The following DIP2B variants were observed in gnomAD, a reference collection of about 807,000 sequenced individuals.
DIP2B encodes disco-interacting protein 2 homolog B.
Under a neutral mutation model 198.0 loss-of-function variants are expected in DIP2B, and 76 were observed. That is an observed-to-expected ratio of 0.38 (90% CI 0.32 to 0.46). The LOEUF (loss-of-function observed/expected upper bound fraction) is 0.46. Ranked by LOEUF, DIP2B falls within the 20% of genes least tolerant of loss-of-function variation. DIP2B has a pLI of 0.99. For synonymous variants in DIP2B, 701 were observed against 739.1 expected (o/e 0.95, Z 0.84); for missense variants, 1,559 against 1,978.4 (o/e 0.79, Z 4.02).
intron 1 of DIP2B, among the ~76,000 whole-genome samples, chr12:50,530,395 T>G (rs1958206138): frequency 6.6e-6 from 1 of 152,214 alleles, no homozygotes; most frequent in Admixed American, 6.5e-5. Context: ...CATCACTTTC[T>G]TCAGGGGAAA....
In DIP2B at chr12:50,699,205, A is replaced by C; in HGVS notation, c.2325+3A>C. 6.2e-7 allele frequency: 1 copy of C among 1,614,044 alleles called. No homozygotes were observed. Among genetic ancestry groups the C allele is most frequent in the Non-Finnish European group, 8.5e-7 (1 of 1,179,990 alleles). The stretch of plus-strand genomic sequence containing the variant: ...GTGTGACAAAAAATACATTTGAGGT[A>C]CATGATATTAACATTTCACAGGGAA... On this transcript the variant is annotated splice_donor_region_variant and intron_variant, in intron 19 of 37. Coordinates refer to ENST00000301180, the MANE Select transcript of DIP2B (RefSeq NM_173602.3).
chr12:50,742,617 C>T (rs931658786), intron 37 of DIP2B, among the ~76,000 whole-genome samples: 1 of 151,874 alleles, frequency 6.6e-6, no homozygotes, highest in Non-Finnish European at 1.5e-5. Context: ...TCTTGTCGGC[C>T]GGAAGTGGTG....
rs554617749 is a variant in DIP2B at position 50,563,139 on chromosome 12, A to G, written c.100+57899A>G. On this transcript the variant is annotated intron_variant, in intron 1 of 37. Coordinates refer to ENST00000301180, the MANE Select transcript of DIP2B (RefSeq NM_173602.3). ...GTCATTTGGGAGCTGCTGGTTATCTATTTCCAACATATGCTTAAGTTTTGT... is the reference window on the plus strand; with the variant it reads ...GTCATTTGGGAGCTGCTGGTTATCTGTTTCCAACATATGCTTAAGTTTTGT... Among the ~76,000 whole-genome samples the G allele has an allele frequency of 2.6e-5, 4 of 152,230 alleles. No homozygotes were observed. The East Asian group carries it at 5.8e-4, about 22-fold the overall frequency.
chr12:50,543,197 C>T, intron 1 of DIP2B, among the ~76,000 whole-genome samples: 1 of 152,050 alleles, frequency 6.6e-6, no homozygotes, highest in Non-Finnish European at 1.5e-5. Flanking sequence ...GCTACATATA[C>T]ATCCTCCACC....
In DIP2B at chr12:50,706,613, A is replaced by C; in HGVS notation, c.2482A>C (p.Ile828Leu). The C allele has an allele frequency of 6.2e-7, 1 of 1,614,114 alleles. No individual in the cohort carries two copies. The highest frequency in any genetic ancestry group is 2.2e-5 in the East Asian group (1 of 44,852). The stretch of plus-strand genomic sequence containing the variant: ...TGGTCGAAGACATAATGCTGATGAC[A>C]TTGTTGCTACTGGATTGGCTGTAGA... ...VSGRRHNADD[I>L]VATGLAVESI... The change falls in exon 21 of 38, where the codon ATT becomes CTT. Residue 828 changes from isoleucine (I) to leucine (L), a missense_variant. Physicochemically the swap from Ile to Leu is conservative, Grantham distance 5. Coordinates refer to ENST00000301180, the MANE Select transcript of DIP2B (RefSeq NM_173602.3).
At chr12:50,576,800 A>G (rs575103176) in intron 1 of DIP2B, among the ~76,000 whole-genome samples, 1 of 151,978 alleles carries the variant, frequency 6.6e-6, no homozygotes, top group African/African-American at 2.4e-5. Flanking sequence ...CTTTACAGAA[A>G]AAGTTAGGCT....
intron 1 of DIP2B, among the ~76,000 whole-genome samples, chr12:50,593,436 C>T (rs1376320490): frequency 6.6e-6 from 1 of 151,396 alleles, no homozygotes; most frequent in African/African-American, 2.4e-5. Context: ...ACCCGGGAGG[C>T]GGAGGTTGCA....
chr12:50,532,482 C>G (rs1246349339), intron 1 of DIP2B, among the ~76,000 whole-genome samples: 1 of 152,218 alleles, frequency 6.6e-6, no homozygotes, highest in Middle Eastern at 3.4e-3. Context: ...CCACAGCACT[C>G]CAGCCTGGGC....
intron 1 of DIP2B, among the ~76,000 whole-genome samples, chr12:50,511,946 CAAAA>C (rs1294473966): frequency 1.5e-4 from 4 of 26,536 alleles, no homozygotes; most frequent in Non-Finnish European, 2.6e-4. Context: ...GACTCCGTCT[CAAAA>C]AAAAAAAAAA....
At chr12:50,509,519 A>G (rs1167399870) in intron 1 of DIP2B, among the ~76,000 whole-genome samples, 1 of 152,214 alleles carries the variant, frequency 6.6e-6, no homozygotes, top group African/African-American at 2.4e-5. Flanking sequence ...TACAAACAGT[A>G]AACATAGTCC....
At position 50,580,701 on chromosome 12, in the gene DIP2B, T is replaced by G. The variant is rs1433388394; in HGVS notation, c.101-45275T>G. On this transcript the variant is annotated intron_variant, in intron 1 of 37. Transcript: ENST00000301180. ...GCACCCCTCAACCGTCAGGGTACAT[T>G]TGGCAAGGTCTAGAGACATTTTTGG... is the stretch of plus-strand genomic sequence containing the variant. Among the ~76,000 whole-genome samples, 2 of 148,378 alleles carry G rather than the reference T, an allele frequency of 1.3e-5. 1 individual carries two copies. The highest frequency in any genetic ancestry group is 4.9e-5 in the African/African-American group (2 of 40,496).
chr12:50,695,787 G>A lies in DIP2B; in HGVS notation c.1814-61G>A, dbSNP rs1324835352. The A allele has an allele frequency of 2.5e-6, 4 of 1,585,374 alleles. No individual in the cohort carries two copies. In the East Asian group the frequency reaches 9.0e-5, roughly 36 times the overall value. ...AATAAGTAAAAATGTTTTTATTGTG[G>A]TGTATTACATATGTCCCAAATTTAT... On this transcript the variant is annotated intron_variant, in intron 15 of 37. Transcript: ENST00000301180.
intron 26 of DIP2B, among the ~76,000 whole-genome samples, chr12:50,721,907 T>A (rs1029718244): frequency 6.6e-6 from 1 of 152,088 alleles, no homozygotes; most frequent in African/African-American, 2.4e-5. Flanking sequence ...CTGAGCTTTT[T>A]AAAAATATTT....
At chr12:50,564,115 T>C (rs944144710) in intron 1 of DIP2B, among the ~76,000 whole-genome samples, 2 of 143,554 alleles carry the variant, frequency 1.4e-5, no homozygotes, top group African/African-American at 4.9e-5. Context: ...TAGTGCTGGG[T>C]TCTTGCGTGT....
chr12:50,639,883 C>G (rs1938224057), intron 2 of DIP2B, among the ~76,000 whole-genome samples: 1 of 152,124 alleles, frequency 6.6e-6, no homozygotes, highest in Non-Finnish European at 1.5e-5. Flanking sequence ...CTAAGAGAGT[C>G]AAGCTCATAA....
intron 22 of DIP2B, among the ~76,000 whole-genome samples, chr12:50,709,062 G>A (rs1939565200): frequency 6.6e-6 from 1 of 152,228 alleles, no homozygotes. Flanking sequence ...TGTCTGTGGT[G>A]GGGAGCAGGC....
intron 3 of DIP2B, among the ~76,000 whole-genome samples, chr12:50,652,756 C>T (rs1938479747): frequency 6.6e-6 from 1 of 152,160 alleles, no homozygotes; most frequent in Non-Finnish European, 1.5e-5. Flanking sequence ...TCCATGAACA[C>T]AGGATCTCTT....
rs535447715 is a variant in DIP2B at position 50,574,457 on chromosome 12, C to G, written c.101-51519C>G. Among the ~76,000 whole-genome samples the G allele has an allele frequency of 3.4e-4, 52 of 152,290 alleles. 1 individual carries two copies. Among genetic ancestry groups the G allele is most frequent in the African/African-American group, 1.3e-3 (52 of 41,564 alleles). On this transcript the variant is annotated intron_variant, in intron 1 of 37. Coordinates refer to ENST00000301180, the MANE Select transcript of DIP2B (RefSeq NM_173602.3). Reference sequence around the variant, plus strand: ...GAATTCCATCATTATTCAGACCTACCCCGTGGGCACAGTGGTGCTGGATTG... The same window carrying G: ...GAATTCCATCATTATTCAGACCTACGCCGTGGGCACAGTGGTGCTGGATTG...
intron 3 of DIP2B, among the ~76,000 whole-genome samples, chr12:50,654,376 A>G (rs1938518130): frequency 6.7e-6 from 1 of 149,768 alleles, no homozygotes. Context: ...TTTTTTAAAG[A>G]TAGAGTGTAA....
Sources: gnomAD v4.1 joint callset for allele counts (sites outside exome capture counted in the v4.1 genomes callset) on GRCh38, gnomAD v4.1.1 for gene constraint, MANE v1.5 for transcripts, NCBI Gene and HGNC (gene_info 2026-07-23, HGNC 2026-07-21) for gene names.